DHRSX: variants seen among roughly 807,000 people sequenced by gnomAD.
DHRSX encodes dehydrogenase/reductase X-linked.
Under a neutral mutation model 34.0 loss-of-function variants are expected in DHRSX, and 31 were observed. That is an observed-to-expected ratio of 0.91 (90% CI 0.69 to 1.23). The LOEUF (loss-of-function observed/expected upper bound fraction) is 1.23, where lower values mean the gene tolerates loss of function less well. Among genes scored for constraint, DHRSX ranks in the 50% most tolerant of loss-of-function variants. The pLI is 0.00. For missense variants in DHRSX, 414 were observed against 428.1 expected, an observed-to-expected ratio of 0.97 and a Z score of 0.29; for synonymous variants, 201 against 183.8, an observed-to-expected ratio of 1.09 and a Z score of -0.76.
At chrX:2,450,357 G>A (rs2044199445) in intron 1 of DHRSX, among the ~76,000 whole-genome samples, 1 of 152,048 alleles carries the variant, frequency 6.6e-6, no homozygotes, top group Non-Finnish European at 1.5e-5. Flanking sequence ...AACTACTCAG[G>A]AGGCTGAGAC....
intron 3 of DHRSX, among the ~76,000 whole-genome samples, chrX:2,393,606 C>CCCAGGG (rs1238330935): frequency 6.7e-4 from 66 of 98,570 alleles, no homozygotes; most frequent in African/African-American, 3.1e-3. Flanking sequence ...ACACACGACA[C>CCCAGGG]ACAGGGACCT....
intron 1 of DHRSX, among the ~76,000 whole-genome samples, chrX:2,493,315 C>CCATCAT (rs770537301): frequency 3.9e-3 from 593 of 152,118 alleles, no homozygotes; most frequent in Admixed American, 6.5e-3. Flanking sequence ...ATCAGATCCT[C>CCATCAT]CATCATCATC....
intron 2 of DHRSX, among the ~76,000 whole-genome samples, chrX:2,420,716 C>G (rs2043768941): frequency 6.6e-6 from 1 of 151,526 alleles, no homozygotes; most frequent in African/African-American, 2.4e-5. Context: ...GCACTCCAGC[C>G]TGGGCAACAG....
intron 1 of DHRSX, among the ~76,000 whole-genome samples, chrX:2,483,084 C>T (rs1473174066): frequency 1.3e-5 from 2 of 152,098 alleles, no homozygotes; most frequent in Non-Finnish European, 1.5e-5. Context: ...TAATCGTGAA[C>T]TCATTTATTT....
At chrX:2,362,838 C>T (rs1249773188) in intron 3 of DHRSX, among the ~76,000 whole-genome samples, 3 of 131,788 alleles carry the variant, frequency 2.3e-5, no homozygotes, top group South Asian at 4.8e-4. Flanking sequence ...ATTTTATCAC[C>T]GTTCTATGGT....
chrX:2,434,972 T>C (rs1244651674), intron 1 of DHRSX, among the ~76,000 whole-genome samples: 1 of 152,206 alleles, frequency 6.6e-6, no homozygotes, highest in East Asian at 1.9e-4. Context: ...GGGGTTACAC[T>C]CTGTATGACT....
intron 1 of DHRSX, among the ~76,000 whole-genome samples, chrX:2,484,245 T>C (rs192542419): frequency 0.12 from 17,953 of 152,218 alleles, 1,541 homozygotes; most frequent in South Asian, 0.33. Context: ...AGTGCTGGGA[T>C]GACAGATGTG....
chrX:2,479,524 CG>C (rs2044737313), intron 1 of DHRSX, among the ~76,000 whole-genome samples: 1 of 148,710 alleles, frequency 6.7e-6, no homozygotes, highest in South Asian at 2.2e-4. Flanking sequence ...CGTAAGAATG[CG>C]ACCAGGGGAC....
At chrX:2,314,760 C>G (rs1321463813) in intron 3 of DHRSX, among the ~76,000 whole-genome samples, 1 of 151,968 alleles carries the variant, frequency 6.6e-6, no homozygotes, top group South Asian at 2.1e-4. Flanking sequence ...GGAATTTGGG[C>G]AAGATAAAAA....
rs1435218860 is a variant in DHRSX at position 2,462,266 on chromosome X, G to A, written c.110-36962C>T. Among the ~76,000 whole-genome samples the A allele has an allele frequency of 5.9e-5, 9 of 151,914 alleles. No individual in the cohort carries two copies. The South Asian group carries it at 1.0e-3, about 18-fold the overall frequency. On this transcript the variant is annotated intron_variant, in intron 1 of 6. Coordinates refer to ENST00000334651, the MANE Select transcript of DHRSX (RefSeq NM_145177.3). ...CCACAAACGCCAGCCCTTATTTTTG[G>A]AAGGCCCACTTGCCAAGAACAATGT...
intron 3 of DHRSX, among the ~76,000 whole-genome samples, chrX:2,306,053 C>A (rs1331229838): frequency 1.3e-5 from 2 of 152,054 alleles, no homozygotes; most frequent in Non-Finnish European, 2.9e-5. Flanking sequence ...ATAGGTGCAG[C>A]AAACCACCAC....
At chrX:2,338,691 C>G (rs1314997257) in intron 3 of DHRSX, among the ~76,000 whole-genome samples, 1 of 152,060 alleles carries the variant, frequency 6.6e-6, no homozygotes, top group African/African-American at 2.4e-5. Context: ...TCCCGTTCCA[C>G]CATGAGTGGA....
intron 3 of DHRSX, among the ~76,000 whole-genome samples, chrX:2,382,534 T>TCATCACCATCACCATCATCATCATCAC: frequency 1.2e-5 from 1 of 84,418 alleles, no homozygotes; most frequent in South Asian, 3.7e-4. Context: ...ATCACTACCA[T>TCATCACCATCACCATCATCATCATCAC]CATCACCATC....
At chrX:2,393,018 T>C (rs1265730125) in intron 3 of DHRSX, among the ~76,000 whole-genome samples, 1 of 145,746 alleles carries the variant, frequency 6.9e-6, no homozygotes, top group African/African-American at 2.5e-5. Flanking sequence ...AACATACATA[T>C]GAATGTGAAT....
intron 6 of DHRSX, 91 bp from the exon 7 acceptor site, chrX:2,221,320 G>A (rs188592762): frequency 1.5e-6 from 2 of 1,325,494 alleles, no homozygotes; most frequent in Non-Finnish European, 2.1e-6. Flanking sequence ...GCAGGGACAG[G>A]TGGAATATAC....
At chrX:2,317,747 TCA>T (rs766193077) in intron 3 of DHRSX, among the ~76,000 whole-genome samples, 68 of 152,262 alleles carry the variant, frequency 4.5e-4, no homozygotes, top group African/African-American at 1.5e-3. Flanking sequence ...GAACAGTCAA[TCA>T]CGCGTTCATT....
intron 1 of DHRSX, among the ~76,000 whole-genome samples, chrX:2,454,393 G>A (rs754090390): frequency 7.9e-5 from 12 of 152,080 alleles, no homozygotes; most frequent in African/African-American, 2.7e-4. Flanking sequence ...CAGGTGTGGT[G>A]GCAGGCACCT....
In DHRSX at chrX:2,357,337, G is replaced by A. The variant is rs1602998548; in HGVS notation, c.286+51408C>T. The stretch of plus-strand genomic sequence containing the variant: ...GTTTTTCAAGGGTCAATTGTAAATG[G>A]AAAGGTTTCGTGCAAAGAAAAAAAA... On this transcript the variant is annotated intron_variant, in intron 3 of 6. Transcript: ENST00000334651. 2.0e-5 allele frequency among the ~76,000 whole-genome samples: 3 copies of A among 152,064 alleles called. No homozygotes were observed. In the South Asian group the frequency reaches 6.2e-4, roughly 32 times the overall value.
chrX:2,447,559 C>T (rs9803215), intron 1 of DHRSX, among the ~76,000 whole-genome samples: 43,972 of 151,736 alleles, frequency 0.29, 6,780 homozygotes, highest in South Asian at 0.42. Context: ...AGGAAATCAG[C>T]CCATCAACGG....
Sources: gnomAD v4.1 joint callset for allele counts (sites outside exome capture counted in the v4.1 genomes callset) on GRCh38, gnomAD v4.1.1 for gene constraint, MANE v1.5 for transcripts, NCBI Gene and HGNC (gene_info 2026-07-23, HGNC 2026-07-21) for gene names.